SRP54: variants seen among roughly 807,000 people sequenced by gnomAD.
SRP54 encodes the protein signal recognition particle subunit SRP54.
A neutral mutation model predicts 64.8 loss-of-function variants in SRP54; 10 were observed. The ratio of observed to expected loss-of-function variants is 0.15; its 90% CI spans 0.10 to 0.26. The LOEUF is 0.26. Ranked by LOEUF, SRP54 falls within the 10% of genes least tolerant of loss-of-function variation. SRP54 has a pLI of 1.00. For missense variants in SRP54, 325 were observed against 613.7 expected, an observed-to-expected ratio of 0.53 and a Z score of 4.97; for synonymous variants, 193 against 185.6, an observed-to-expected ratio of 1.04 and a Z score of -0.32.
At chr14:35,003,191 A>T (rs2044204376) in intron 4 of SRP54, among the ~76,000 whole-genome samples, 1 of 152,192 alleles carries the variant, frequency 6.6e-6, no homozygotes. Flanking sequence ...ACTGGTTCTT[A>T]TACTCAGATG....
At chr14:35,016,840 CTTTTCTTTTTT>C (rs981979630) in intron 11 of SRP54, among the ~76,000 whole-genome samples, 8 of 71,614 alleles carry the variant, frequency 1.1e-4, no homozygotes, top group African/African-American at 3.2e-4. Flanking sequence ...CCTTTTTTTT[CTTTTCTTTTTT>C]TTTTTTTTTC....
intron 13 of SRP54, among the ~76,000 whole-genome samples, chr14:35,020,913 C>T (rs1164656011): frequency 1.3e-5 from 2 of 152,204 alleles, no homozygotes; most frequent in African/African-American, 4.8e-5. Context: ...GACTTCCTTC[C>T]TTCTTTGAAT....
At chr14:34,999,802 A>G (rs2044141317) in intron 3 of SRP54, 153 bp downstream of exon 3, 1 of 552,376 alleles carries the variant, frequency 1.8e-6, no homozygotes, top group Admixed American at 3.1e-5. Context: ...GGGCGAGAGC[A>G]TGTGTAGTAC....
chr14:35,000,275 A>G (rs145568615), intron 3 of SRP54, among the ~76,000 whole-genome samples: 20 of 152,290 alleles, frequency 1.3e-4, no homozygotes, highest in African/African-American at 4.8e-4. Flanking sequence ...GCATTTAGAC[A>G]TAGAGGAAGT....
rs185952676 is a variant in SRP54 at position 35,020,368 on chromosome 14, G to C, written c.1156+1294G>C. On this transcript the variant is annotated intron_variant, in intron 13 of 15. Transcript: ENST00000216774. ...TGACAATTTCTTAAAACACAAGAAT[G>C]AAATTTGCCCCATTGATTGACTCTT... Among the ~76,000 whole-genome samples, 36 of 152,166 alleles carry C rather than the reference G, an allele frequency of 2.4e-4. No homozygotes were observed. In the East Asian group the frequency reaches 6.8e-3, roughly 29 times the overall value.
intron 5 of SRP54, 98 bp downstream of exon 5, chr14:35,007,485 A>T (rs1594996502): frequency 5.4e-6 from 2 of 372,312 alleles, no homozygotes; most frequent in Non-Finnish European, 9.0e-6. Context: ...TGGCTTTATA[A>T]TGTTGAAATA....
At chr14:34,987,304 TAA>T (rs1038892957) in intron 1 of SRP54, among the ~76,000 whole-genome samples, 4 of 111,914 alleles carry the variant, frequency 3.6e-5, no homozygotes, top group African/African-American at 1.2e-4. Flanking sequence ...CACACACACA[TAA>T]TTCTTAGTTC....
In SRP54 at chr14:34,996,663, T is replaced by C; in HGVS notation, c.-33-14T>C. On this transcript the variant is annotated splice_polypyrimidine_tract_variant and intron_variant, in intron 1 of 15. Coordinates refer to ENST00000216774, the MANE Select transcript of SRP54 (RefSeq NM_003136.4). ...GAAATTGATTATTCTCACTTAATTT[T>C]TTTTCTGCTGTAGAGTTCTTCGTAA... is the stretch of plus-strand genomic sequence containing the variant. 2 of 1,321,300 alleles carry C rather than the reference T, an allele frequency of 1.5e-6. No individual in the cohort carries two copies. The highest frequency in any genetic ancestry group is 1.1e-6 in the Non-Finnish European group (1 of 913,730). The allele number at this position is 1,321,300 out of a possible 1,614,324, so 81.8% of individuals were successfully genotyped here. A position where few individuals can be genotyped will look rare whatever the true frequency, so the allele number is the denominator to read the frequency against.
chr14:34,988,743 C>T (rs1264036649), intron 1 of SRP54, among the ~76,000 whole-genome samples: 1 of 151,050 alleles, frequency 6.6e-6, no homozygotes, highest in Admixed American at 6.6e-5. Context: ...GTCAGAAAAG[C>T]AAATACTGGT....
intron 3 of SRP54, among the ~76,000 whole-genome samples, chr14:35,000,120 C>A (rs1295678393): frequency 1.3e-5 from 2 of 152,106 alleles, no homozygotes; most frequent in Non-Finnish European, 2.9e-5. Context: ...TTATCATATT[C>A]ATTGGGAGAG....
chr14:35,003,010 T>TGTTA (rs2138987959), intron 4 of SRP54, among the ~76,000 whole-genome samples: 1 of 152,214 alleles, frequency 6.6e-6, no homozygotes, highest in South Asian at 2.1e-4. Context: ...CCTCCCAAAG[T>TGTTA]GTTAGGATTA....
At chr14:35,013,038 GGTTC>G in intron 8 of SRP54, among the ~76,000 whole-genome samples, 1 of 148,298 alleles carries the variant, frequency 6.7e-6, no homozygotes, top group South Asian at 2.2e-4. Context: ...CTGCCTCCCG[GGTTC>G]AAGTGATTCT....
At position 35,029,258 on chromosome 14, in the gene SRP54, T is replaced by C. The variant is rs2044685779; in HGVS notation, c.*106T>C. On this transcript the variant is annotated 3_prime_UTR_variant, in exon 16 of 16. Coordinates refer to ENST00000216774, the MANE Select transcript of SRP54 (RefSeq NM_003136.4). Reference sequence around the variant, plus strand: ...GGGGGGAAAGTGTATTTTTCTTGCTTATCATGCACTCTTTCCTTTTCTTCT... The same window carrying C: ...GGGGGGAAAGTGTATTTTTCTTGCTCATCATGCACTCTTTCCTTTTCTTCT... The C allele has an allele frequency of 4.1e-6, 3 of 726,540 alleles. No individual in the cohort carries two copies. In the South Asian group the frequency reaches 6.0e-5, roughly 15 times the overall value. The allele number at this position is 726,540 out of a possible 1,614,324, so 45.0% of individuals were successfully genotyped here.
chr14:35,026,036 A>G (rs912491067), intron 14 of SRP54, among the ~76,000 whole-genome samples: 5 of 149,394 alleles, frequency 3.3e-5, no homozygotes, highest in African/African-American at 1.2e-4. Context: ...AGCCTGGGCG[A>G]CAGAGCAAGA....
chr14:35,022,722 T>C (rs1023323008), intron 13 of SRP54, among the ~76,000 whole-genome samples, 188 bp from the exon 14 acceptor site: 2 of 152,226 alleles, frequency 1.3e-5, no homozygotes, highest in African/African-American at 4.8e-5. Flanking sequence ...ATCTGGGTGG[T>C]AGTTTGACTA....
chr14:34,996,822 T>C (rs776184863), intron 2 of SRP54, 35 bp downstream of exon 2: 7 of 1,424,034 alleles, frequency 4.9e-6, no homozygotes, highest in Non-Finnish European at 6.0e-6. Context: ...TATATGATTG[T>C]ATATTGTCAC....
intron 7 of SRP54, among the ~76,000 whole-genome samples, chr14:35,009,108 G>A (rs915246593): frequency 7.9e-5 from 12 of 151,714 alleles, no homozygotes; most frequent in African/African-American, 2.7e-4. Flanking sequence ...GGCTGGTCTC[G>A]AACTCCTGAC....
chr14:35,021,548 G>A (rs1056313825), intron 13 of SRP54, among the ~76,000 whole-genome samples: 41 of 151,952 alleles, frequency 2.7e-4, no homozygotes, highest in African/African-American at 9.4e-4. Flanking sequence ...TGGGAGAATC[G>A]CTTGAACCCT....
intron 2 of SRP54, among the ~76,000 whole-genome samples, chr14:34,999,313 C>T (rs1225656894): frequency 6.6e-6 from 1 of 151,982 alleles, no homozygotes; most frequent in African/African-American, 2.4e-5. Context: ...CCATGCCGGG[C>T]CTATAATTAC....
Sources: allele counts gnomAD v4.1 joint callset (sites outside exome capture counted in the v4.1 genomes callset), GRCh38; gene constraint gnomAD v4.1.1; transcripts MANE v1.5; gene names NCBI Gene and HGNC (gene_info 2026-07-23, HGNC 2026-07-21).